The following KAZN variants were observed in gnomAD, a reference collection of about 807,000 sequenced individuals.
KAZN encodes the protein kazrin, periplakin interacting protein.
Under a neutral mutation model 87.4 loss-of-function variants are expected in KAZN, and 40 were observed. The ratio of observed to expected loss-of-function variants is 0.46; its 90% CI spans 0.36 to 0.60. KAZN has a LOEUF of 0.60. Among genes scored for constraint, KAZN ranks in the 20% least tolerant of loss-of-function variants. KAZN has a pLI of 0.00. For synonymous variants in KAZN, 466 were observed against 458.3 expected (o/e 1.02, Z -0.22); for missense variants, 898 against 1,073.9 (o/e 0.84, Z 2.29).
At chr1:14,544,350 CT>C (rs374148415) in intron 2 of KAZN, among the ~76,000 whole-genome samples, 15,485 of 98,410 alleles carry the variant, frequency 0.16, 537 homozygotes, top group South Asian at 0.21. Context: ...TTCTTTCTTT[CT>C]TTTTTTTTTT....
chr1:14,810,830 G>T (rs1414837413), intron 1 of KAZN, among the ~76,000 whole-genome samples: 4 of 152,156 alleles, frequency 2.6e-5, no homozygotes, highest in African/African-American at 9.7e-5. Context: ...GCCTCCCAGG[G>T]TGGGGACAGG....
intron 1 of KAZN, among the ~76,000 whole-genome samples, chr1:14,139,947 GT>G (rs1557507997): frequency 3.0e-4 from 16 of 53,078 alleles, no homozygotes; most frequent in African/African-American, 1.1e-3. Flanking sequence ...GTGTGTGTGT[GT>G]GTGTGTGTGT....
At chr1:14,681,101 A>G (rs544370538) in intron 1 of KAZN, among the ~76,000 whole-genome samples, 1 of 152,168 alleles carries the variant, frequency 6.6e-6, no homozygotes, top group Non-Finnish European at 1.5e-5. Flanking sequence ...CTCCCTCATC[A>G]TCAAGGGGGC....
intron 2 of KAZN, among the ~76,000 whole-genome samples, chr1:14,405,977 T>C (rs1419148373): frequency 1.3e-5 from 2 of 152,210 alleles, no homozygotes; most frequent in Admixed American, 1.3e-4. Flanking sequence ...CAATCTCAGA[T>C]GGTTAATCGG....
At chr1:14,222,280 C>A (rs1029153298) in intron 2 of KAZN, among the ~76,000 whole-genome samples, 1 of 152,136 alleles carries the variant, frequency 6.6e-6, no homozygotes, top group Non-Finnish European at 1.5e-5. Flanking sequence ...CACGGCCATG[C>A]CCGTGGGGAA....
intron 2 of KAZN, among the ~76,000 whole-genome samples, chr1:14,519,470 T>C (rs1410840815): frequency 2.0e-5 from 3 of 152,188 alleles, no homozygotes; most frequent in African/African-American, 4.8e-5. Flanking sequence ...CGGCAGATAC[T>C]ACCCTCGTGG....
chr1:15,112,329 ATGTGTGTGTGTGTGTGTGTGTGTG>A (rs58658629), intron 13 of KAZN, 74 bp from the exon 14 acceptor site: 14 of 638,544 alleles, frequency 2.2e-5, no homozygotes, highest in Admixed American at 9.7e-5. Context: ...ATTGTCACCA[ATGTGTGTGTGTGTGTGTGTGTGTG>A]TGTGTGTGTG....
At chr1:14,512,845 A>T (rs1670987649) in intron 2 of KAZN, among the ~76,000 whole-genome samples, 1 of 152,218 alleles carries the variant, frequency 6.6e-6, no homozygotes, top group Non-Finnish European at 1.5e-5. Flanking sequence ...CAGATCTGAC[A>T]ACCAGGACGG....
At chr1:15,062,570 C>T (rs923809564) in intron 6 of KAZN, 6 of 152,650 alleles carry the variant, frequency 3.9e-5, no homozygotes, top group African/African-American at 1.4e-4. Flanking sequence ...TCCTCTCACA[C>T]TCTGGCCACT....
At chr1:14,724,907 T>C (rs1035707575) in intron 1 of KAZN, among the ~76,000 whole-genome samples, 1 of 152,238 alleles carries the variant, frequency 6.6e-6, no homozygotes, top group African/African-American at 2.4e-5. Flanking sequence ...AAGTCAGTGC[T>C]ACTGCGTGCA....
chr1:14,989,997 T>A (rs1557691863), intron 2 of KAZN, among the ~76,000 whole-genome samples: 1 of 152,156 alleles, frequency 6.6e-6, no homozygotes, highest in East Asian at 1.9e-4. Flanking sequence ...ATACAGCAAC[T>A]CTATGACATA....
chr1:15,036,181 G>A (rs1035365153), intron 3 of KAZN, among the ~76,000 whole-genome samples: 4 of 134,902 alleles, frequency 3.0e-5, no homozygotes, highest in Admixed American at 1.5e-4. Flanking sequence ...CTCAGTGCCC[G>A]ACTCGAGAGC....
chr1:14,997,304 G>A (rs138825571), intron 2 of KAZN, among the ~76,000 whole-genome samples: 2,915 of 150,906 alleles, frequency 0.019, 86 homozygotes, highest in African/African-American at 0.067. Context: ...GCAATGGCGC[G>A]ATCTCAGCTC....
chr1:13,937,959 G>GGAAC (rs1640799892), intron 1 of KAZN, among the ~76,000 whole-genome samples: 1 of 152,176 alleles, frequency 6.6e-6, no homozygotes, highest in Non-Finnish European at 1.5e-5. Context: ...GTTAGATAAT[G>GGAAC]TGATGTCTCC....
At chr1:14,295,731 G>T (rs552159310) in intron 2 of KAZN, among the ~76,000 whole-genome samples, 5 of 152,194 alleles carry the variant, frequency 3.3e-5, no homozygotes, top group Admixed American at 1.3e-4. Flanking sequence ...AAACATTTTT[G>T]AGATCTCAGC....
At chr1:14,100,851 T>C (rs1316239630) in intron 1 of KAZN, among the ~76,000 whole-genome samples, 1 of 152,184 alleles carries the variant, frequency 6.6e-6, no homozygotes, top group East Asian at 1.9e-4. Context: ...TGGGAGGTAA[T>C]TGAATCATGG....
intron 2 of KAZN, among the ~76,000 whole-genome samples, chr1:14,348,358 C>G (rs1324950446): frequency 2.0e-5 from 3 of 152,100 alleles, no homozygotes; most frequent in Non-Finnish European, 2.9e-5. Context: ...AACCCATATA[C>G]TACTTCTTAA....
intron 2 of KAZN, among the ~76,000 whole-genome samples, chr1:14,402,179 A>G (rs1663469966): frequency 6.6e-6 from 1 of 152,012 alleles, no homozygotes; most frequent in African/African-American, 2.4e-5. Flanking sequence ...TTTAAACACA[A>G]AATTTACATT....
chr1:13,901,763 T>C (rs1403400761), intron 1 of KAZN, among the ~76,000 whole-genome samples: 3 of 152,264 alleles, frequency 2.0e-5, no homozygotes, highest in East Asian at 1.9e-4. Context: ...AGATATCCAC[T>C]GTTTGACAGG....
Sources: allele counts gnomAD v4.1 joint callset (sites outside exome capture counted in the v4.1 genomes callset), GRCh38; gene constraint gnomAD v4.1.1; transcripts MANE v1.5; gene names NCBI Gene and HGNC (gene_info 2026-07-23, HGNC 2026-07-21).